Variants in PPM1E observed in about 807,000 individuals in gnomAD.
PPM1E encodes the protein protein phosphatase 1E.
In PPM1E, 20 loss-of-function variants were observed where a neutral mutation model predicts 65.9. That is an observed-to-expected ratio of 0.30 (90% CI 0.21 to 0.44). PPM1E has a LOEUF of 0.44. Ranked by LOEUF, PPM1E falls within the 20% of genes least tolerant of loss-of-function variation. The pLI, the probability that PPM1E is intolerant of heterozygous loss-of-function variation, is 1.00. For missense variants in PPM1E, 713 were observed against 953.1 expected (o/e 0.75, Z 3.32); for synonymous variants, 352 against 374.9 (o/e 0.94, Z 0.70).
chr17:58,763,967 A>G (rs189871807), intron 1 of PPM1E, among the ~76,000 whole-genome samples: 5 of 152,270 alleles, frequency 3.3e-5, no homozygotes, highest in Admixed American at 3.3e-4. Context: ...GGAATATAAT[A>G]TGAGCCACAT....
At chr17:58,773,080 A>G (rs2049956841) in intron 1 of PPM1E, among the ~76,000 whole-genome samples, 1 of 151,584 alleles carries the variant, frequency 6.6e-6, no homozygotes. Context: ...CATTTCAACT[A>G]TGCTTAAATC....
intron 1 of PPM1E, among the ~76,000 whole-genome samples, chr17:58,943,755 CA>C (rs2052106281): frequency 6.6e-6 from 1 of 152,184 alleles, no homozygotes; most frequent in African/African-American, 2.4e-5. Context: ...AGAAGCCCTG[CA>C]GGTGATTCTG....
chr17:58,875,649 T>C (rs2051119473), intron 1 of PPM1E, among the ~76,000 whole-genome samples: 1 of 152,188 alleles, frequency 6.6e-6, no homozygotes, highest in Admixed American at 6.5e-5. Context: ...AATAATTTAA[T>C]AAAATCCTAT....
At chr17:58,805,980 A>AAAAAAAAAAAAAAAAAAAAAAAC (rs2050307581) in intron 1 of PPM1E, among the ~76,000 whole-genome samples, 2 of 107,932 alleles carry the variant, frequency 1.9e-5, no homozygotes, top group African/African-American at 8.3e-5. Flanking sequence ...AAAACAAAAA[A>AAAAAAAAAAAAAAAAAAAAAAAC]AAAACAAAAC....
At chr17:58,914,052 G>A (rs1014071952) in intron 1 of PPM1E, among the ~76,000 whole-genome samples, 2 of 152,156 alleles carry the variant, frequency 1.3e-5, no homozygotes, top group African/African-American at 4.8e-5. Context: ...GAATGAACAA[G>A]GACAGCTTGG....
intron 1 of PPM1E, among the ~76,000 whole-genome samples, chr17:58,780,063 C>A (rs2050036576): frequency 6.6e-6 from 1 of 152,128 alleles, no homozygotes. Flanking sequence ...ATATGTAGAT[C>A]TTTTTGCATA....
intron 1 of PPM1E, among the ~76,000 whole-genome samples, chr17:58,795,879 T>TTTAAA (rs1694514008): frequency 6.6e-6 from 1 of 152,210 alleles, no homozygotes; most frequent in Admixed American, 6.5e-5. Flanking sequence ...TTTAAATGTT[T>TTTAAA]TGTTTTTTGC....
At chr17:58,898,779 A>G (rs1426998616) in intron 1 of PPM1E, among the ~76,000 whole-genome samples, 2 of 152,312 alleles carry the variant, frequency 1.3e-5, no homozygotes, top group East Asian at 3.9e-4. Flanking sequence ...TCAATGATAG[A>G]CTGGATTAAG....
chr17:58,884,171 G>C (rs1411184065), intron 1 of PPM1E, among the ~76,000 whole-genome samples: 1 of 152,106 alleles, frequency 6.6e-6, no homozygotes, highest in East Asian at 1.9e-4. Context: ...CTGGAGATGT[G>C]GAATGGAGGA....
chr17:58,953,117 G>A (rs528257464), intron 1 of PPM1E, among the ~76,000 whole-genome samples: 56 of 152,144 alleles, frequency 3.7e-4, no homozygotes, highest in Admixed American at 9.8e-4. Context: ...TAATCTTCTC[G>A]TTCCCAGAGG....
intron 1 of PPM1E, among the ~76,000 whole-genome samples, chr17:58,926,377 G>A (rs1487069470): frequency 6.7e-6 from 1 of 150,144 alleles, no homozygotes; most frequent in Non-Finnish European, 1.5e-5. Context: ...TTGGTTGATT[G>A]GTTGTCTCTG....
intron 1 of PPM1E, among the ~76,000 whole-genome samples, chr17:58,877,426 A>T (rs946233754): frequency 6.6e-6 from 1 of 152,236 alleles, no homozygotes; most frequent in Non-Finnish European, 1.5e-5. Flanking sequence ...AGACAAATAC[A>T]TCTTTACAAA....
At chr17:58,819,986 G>A (rs192040839) in intron 1 of PPM1E, among the ~76,000 whole-genome samples, 56 of 152,116 alleles carry the variant, frequency 3.7e-4, no homozygotes, top group Admixed American at 1.3e-3. Flanking sequence ...GCAGTGAGCC[G>A]AGATGGCACC....
At chr17:58,865,662 C>T (rs995065211) in intron 1 of PPM1E, among the ~76,000 whole-genome samples, 4 of 152,210 alleles carry the variant, frequency 2.6e-5, no homozygotes. Flanking sequence ...ATTGCAGCCA[C>T]TGCTCTCCAG....
At chr17:58,842,712 G>C (rs1410355661) in intron 1 of PPM1E, among the ~76,000 whole-genome samples, 1 of 150,612 alleles carries the variant, frequency 6.6e-6, no homozygotes, top group Non-Finnish European at 1.5e-5. Context: ...GCCAAGGCGG[G>C]TGGATCACTT....
At chr17:58,894,615 C>T (rs761913352) in intron 1 of PPM1E, among the ~76,000 whole-genome samples, 10 of 151,976 alleles carry the variant, frequency 6.6e-5, no homozygotes, top group Non-Finnish European at 8.8e-5. Flanking sequence ...TCTTAGGGAC[C>T]CATAGGGCTC....
intron 1 of PPM1E, among the ~76,000 whole-genome samples, chr17:58,875,695 A>C (rs1731383921): frequency 6.6e-6 from 1 of 152,208 alleles, no homozygotes; most frequent in Non-Finnish European, 1.5e-5. Context: ...ATTCACAGAC[A>C]ATCACAGTTG....
intron 1 of PPM1E, among the ~76,000 whole-genome samples, chr17:58,954,463 G>A (rs2052285666): frequency 6.6e-6 from 1 of 152,042 alleles, no homozygotes; most frequent in South Asian, 2.1e-4. Flanking sequence ...TCACCTAAAA[G>A]GCCCATGTAT....
chr17:58,941,710 A>T (rs1229385739), intron 1 of PPM1E, among the ~76,000 whole-genome samples: 3 of 149,300 alleles, frequency 2.0e-5, no homozygotes, highest in Non-Finnish European at 4.4e-5. Flanking sequence ...AAAAAAAAAA[A>T]ATGCTGGTCA....
Sources: gnomAD v4.1 joint callset for allele counts (sites outside exome capture counted in the v4.1 genomes callset) on GRCh38, gnomAD v4.1.1 for gene constraint, MANE v1.5 for transcripts, NCBI Gene and HGNC (gene_info 2026-07-23, HGNC 2026-07-21) for gene names.